SDCCAG8: variants seen among roughly 807,000 people sequenced by gnomAD.
SDCCAG8 encodes the protein serologically defined colon cancer antigen 8.
A neutral mutation model predicts 101.8 loss-of-function variants in SDCCAG8; 74 were observed. That is an observed-to-expected ratio of 0.73 (90% CI 0.60 to 0.88). The LOEUF is 0.88. SDCCAG8 is among the 40% of genes least tolerant of loss of function. The pLI, the probability that SDCCAG8 is intolerant of heterozygous loss-of-function variation, is 0.00. For synonymous variants in SDCCAG8, 281 were observed against 292.9 expected (o/e 0.96, Z 0.41); for missense variants, 787 against 822.6 (o/e 0.96, Z 0.53).
At chr1:243,401,014 C>T (rs1160836265) in intron 13 of SDCCAG8, among the ~76,000 whole-genome samples, 1 of 152,158 alleles carries the variant, frequency 6.6e-6, no homozygotes, top group Non-Finnish European at 1.5e-5. Flanking sequence ...AAGTTTAGCA[C>T]TCATAATGTG....
At chr1:243,291,289 G>T (rs188785317) in intron 5 of SDCCAG8, among the ~76,000 whole-genome samples, 1 of 152,206 alleles carries the variant, frequency 6.6e-6, no homozygotes, top group Non-Finnish European at 1.5e-5. Context: ...TGTTGAGAGG[G>T]TGACAGAGGT....
At chr1:243,275,655 G>T (rs1558219564) in intron 4 of SDCCAG8, among the ~76,000 whole-genome samples, 1 of 151,988 alleles carries the variant, frequency 6.6e-6, no homozygotes, top group Non-Finnish European at 1.5e-5. Flanking sequence ...GATAAAACTT[G>T]AAAGATATAA....
intron 12 of SDCCAG8, among the ~76,000 whole-genome samples, chr1:243,349,017 A>G (rs566569128): frequency 3.6e-4 from 55 of 152,126 alleles, no homozygotes; most frequent in South Asian, 1.5e-3. Flanking sequence ...AAACAAAAAA[A>G]AAAAAACACA....
At chr1:243,491,555 C>T (rs1309984336) in intron 17 of SDCCAG8, among the ~76,000 whole-genome samples, 1 of 152,240 alleles carries the variant, frequency 6.6e-6, no homozygotes, top group African/African-American at 2.4e-5. Context: ...TGCTGAATAT[C>T]TAAACCCAGA....
At chr1:243,381,440 T>C (rs975969201) in intron 13 of SDCCAG8, among the ~76,000 whole-genome samples, 1 of 152,018 alleles carries the variant, frequency 6.6e-6, no homozygotes, top group South Asian at 2.1e-4. Context: ...AAACAAAAAA[T>C]ATTAGTCAGG....
intron 3 of SDCCAG8, among the ~76,000 whole-genome samples, 188 bp from the exon 4 acceptor site, chr1:243,274,355 G>A (rs1330453308): frequency 6.6e-6 from 1 of 152,156 alleles, no homozygotes; most frequent in Non-Finnish European, 1.5e-5. Context: ...GAGGTTTGTG[G>A]GGGACAAGCA....
chr1:243,461,849 C>G (rs150057688), intron 16 of SDCCAG8, among the ~76,000 whole-genome samples: 1 of 152,094 alleles, frequency 6.6e-6, no homozygotes, highest in Non-Finnish European at 1.5e-5. Context: ...TCCACCTGGC[C>G]CACAGCCCTC....
chr1:243,378,611 A>G (rs2077741659), intron 12 of SDCCAG8, 110 bp from the exon 13 acceptor site: 1 of 1,226,418 alleles, frequency 8.2e-7, no homozygotes, highest in Non-Finnish European at 1.2e-6. Flanking sequence ...TAAATTTTCT[A>G]ATAATTTTTT....
intron 16 of SDCCAG8, among the ~76,000 whole-genome samples, chr1:243,443,389 G>T (rs12140679): frequency 0.15 from 22,505 of 152,196 alleles, 1,758 homozygotes; most frequent in Non-Finnish European, 0.16. Context: ...GGTGGTTGTT[G>T]CTCTGCCAGA....
At chr1:243,483,505 A>G (rs1237489098) in intron 16 of SDCCAG8, among the ~76,000 whole-genome samples, 1 of 151,696 alleles carries the variant, frequency 6.6e-6, no homozygotes, top group Non-Finnish European at 1.5e-5. Flanking sequence ...TGCCGTGAAG[A>G]TTGCCCCTCT....
chr1:243,306,885 C>G (rs1196367264), intron 7 of SDCCAG8, among the ~76,000 whole-genome samples: 2 of 151,930 alleles, frequency 1.3e-5, no homozygotes, highest in African/African-American at 4.8e-5. Context: ...CCCCCAAAAT[C>G]TCAACAGTTG....
chr1:243,493,230 G>T (rs1366735857), intron 17 of SDCCAG8, among the ~76,000 whole-genome samples: 1 of 144,458 alleles, frequency 6.9e-6, no homozygotes, highest in Non-Finnish European at 1.5e-5. Flanking sequence ...TGGTGGGGGT[G>T]GGGGGAGGGG....
rs903237086 is a variant in SDCCAG8 at position 243,282,478 on chromosome 1, T to A, written c.421-3794T>A. ...GTCAAATTAATAAGAAAATATTTTA[T>A]CTTATATCCACTTATTCCTTCTTTA... On this transcript the variant is annotated intron_variant, in intron 4 of 17. Coordinates refer to ENST00000366541, the MANE Select transcript of SDCCAG8 (RefSeq NM_006642.5). 3.3e-5 allele frequency among the ~76,000 whole-genome samples: 5 copies of A among 152,300 alleles called. No homozygotes were observed. In the East Asian group the frequency reaches 9.6e-4, roughly 29 times the overall value.
chr1:243,477,900 G>A (rs1396816443), intron 16 of SDCCAG8, among the ~76,000 whole-genome samples: 1 of 152,210 alleles, frequency 6.6e-6, no homozygotes, highest in Non-Finnish European at 1.5e-5. Context: ...ACTGTTACTG[G>A]TCTGGGATGA....
intron 6 of SDCCAG8, among the ~76,000 whole-genome samples, chr1:243,294,523 G>GAGAGAGAGAGAC (rs1273333124): frequency 6.6e-6 from 1 of 150,918 alleles, no homozygotes; most frequent in East Asian, 2.0e-4. Flanking sequence ...GAGAGAGAGA[G>GAGAGAGAGAGAC]AGAACAACCC....
At chr1:243,322,263 A>G (rs2073818199) in intron 9 of SDCCAG8, among the ~76,000 whole-genome samples, 1 of 152,214 alleles carries the variant, frequency 6.6e-6, no homozygotes, top group Admixed American at 6.5e-5. Flanking sequence ...TTCTGCGGCA[A>G]GATCAGGAAG....
chr1:243,460,639 A>C (rs1658886094), intron 16 of SDCCAG8, among the ~76,000 whole-genome samples: 1 of 152,242 alleles, frequency 6.6e-6, no homozygotes, highest in Non-Finnish European at 1.5e-5. Flanking sequence ...GACTGGAACA[A>C]AGTGTGACTG....
intron 10 of SDCCAG8, among the ~76,000 whole-genome samples, chr1:243,340,118 CTAAGTATTTACTCATTCATCAAATA>C (rs2075297839): frequency 6.6e-6 from 1 of 152,136 alleles, no homozygotes; most frequent in Non-Finnish European, 1.5e-5. Context: ...GCCATTTATT[CTAAGTATTTACTCATTCATCAAATA>C]TTTGGTACCT....
intron 16 of SDCCAG8, among the ~76,000 whole-genome samples, chr1:243,484,324 G>A (rs1664352772): frequency 6.6e-6 from 1 of 152,250 alleles, no homozygotes; most frequent in African/African-American, 2.4e-5. Context: ...GCCCCGAAGT[G>A]GGAAGGCCCC....
Sources: allele counts gnomAD v4.1 joint callset (sites outside exome capture counted in the v4.1 genomes callset), GRCh38; gene constraint gnomAD v4.1.1; transcripts MANE v1.5; gene names NCBI Gene and HGNC (gene_info 2026-07-23, HGNC 2026-07-21).